The following DGUOK variants were observed in gnomAD, a reference collection of about 807,000 sequenced individuals.
DGUOK encodes deoxyguanosine kinase.
A neutral mutation model predicts 36.6 loss-of-function variants in DGUOK; 30 were observed. The observed-to-expected ratio is 0.82, with a 90% CI of 0.61 to 1.11. The LOEUF is 1.11. Ranked by LOEUF, DGUOK falls within the 50% of genes most tolerant of loss-of-function variation. The probability of loss-of-function intolerance (pLI) is 0.00; values close to 1 mark genes in which losing one functional copy is unlikely to be tolerated. For missense variants in DGUOK, 361 were observed against 336.4 expected (o/e 1.07, Z -0.57); for synonymous variants, 145 against 126.3 (o/e 1.15, Z -0.99).
chr2:73,927,062 G>A lies in DGUOK; in HGVS notation c.142+10G>A, dbSNP rs370052432. ...ATCGAAGGCAACATTGGTAAGGGCC[G>A]GAAAGCGGCTGCCAAGCCTTGGCCT... On this transcript the variant is annotated intron_variant, in intron 1 of 6. Coordinates refer to ENST00000264093, the MANE Select transcript of DGUOK (RefSeq NM_080916.3). The A allele has an allele frequency of 1.0e-5, 16 of 1,606,692 alleles. No homozygotes were observed. The South Asian group carries it at 1.4e-4, about 14-fold the overall frequency.
At chr2:73,932,648 A>G (rs773984407) in intron 1 of DGUOK, 4 of 1,295,548 alleles carry the variant, frequency 3.1e-6, no homozygotes, top group Non-Finnish European at 4.0e-6. Flanking sequence ...GGAAACCTGA[A>G]CAGGGAAGGT....
In DGUOK at chr2:73,927,037, A is replaced by C. The variant is rs910614083; in HGVS notation, c.127A>C (p.Ile43Leu). The change falls in exon 1 of 7, where the codon ATC becomes CTC. Residue 43 changes from isoleucine to leucine, a missense_variant. Ile to Leu is a conservative substitution (Grantham distance 5, BLOSUM62 2). Transcript: ENST00000264093. ...HAGRGPRRLSIEGNIAVGKST... is the reference protein window; with the variant it reads ...HAGRGPRRLSLEGNIAVGKST... The stretch of plus-strand genomic sequence containing the variant: ...GGGGCGCGGGCCCCGAAGGCTCTCC[A>C]TCGAAGGCAACATTGGTAAGGGCCG... 5.0e-6 allele frequency: 8 copies of C among 1,609,496 alleles called. No individual in the cohort carries two copies. In the South Asian group the frequency reaches 8.8e-5, roughly 18 times the overall value.
intron 3 of DGUOK, chr2:73,948,027 T>A (rs943942981): frequency 1.3e-5 from 2 of 152,184 alleles, no homozygotes; most frequent in African/African-American, 4.8e-5. Flanking sequence ...AAACAAACCC[T>A]ATAGGCTATC....
In DGUOK at chr2:73,957,205, C is replaced by T. The variant is rs776350723; in HGVS notation, c.672C>T (p.Gly224=). The change falls in exon 5 of 7, where the codon GGC becomes GGT. Residue 224 remains glycine (G), a synonymous_variant. Transcript: ENST00000264093. ...TGGCCTATCTAGAGCAGCTGCATGG[C>T]CAACACGAAGCCTGGCTTATTCACA... The part of the protein sequence containing the change: ...IELAYLEQLH[G]QHEAWLIHKT... The T allele has an allele frequency of 4.3e-5, 70 of 1,613,940 alleles. No homozygotes were observed. Among genetic ancestry groups the T allele is most frequent in the East Asian group, 1.8e-4 (8 of 44,898 alleles).
In DGUOK at chr2:73,950,702, T is replaced by C. The variant is rs376145379; in HGVS notation, c.561T>C (p.His187=). The change falls in exon 4 of 7, where the codon CAT becomes CAC. Residue 187 remains histidine, a synonymous_variant. Coordinates refer to ENST00000264093, the MANE Select transcript of DGUOK (RefSeq NM_080916.3). ...AGTTTGCCAGCCGGATCACATTACA[T>C]GGCTTCATCTACCTCCAGGCTTCTC... ...LWEFASRITL[H]GFIYLQASPQ... is the part of the protein sequence containing the mutation. 2 of 1,614,228 alleles carry C rather than the reference T, an allele frequency of 1.2e-6. No individual in the cohort carries two copies. Among genetic ancestry groups the C allele is most frequent in the South Asian group, 1.1e-5 (1 of 91,086 alleles).
chr2:73,936,896 G>T (rs1681506164), intron 1 of DGUOK, among the ~76,000 whole-genome samples: 1 of 152,192 alleles, frequency 6.6e-6, no homozygotes, highest in African/African-American at 2.4e-5. Context: ...CCAGCTTAGA[G>T]GTGTCAGGAT....
At chr2:73,937,194 G>A (rs1013190011) in intron 1 of DGUOK, among the ~76,000 whole-genome samples, 2 of 152,194 alleles carry the variant, frequency 1.3e-5, no homozygotes, top group African/African-American at 2.4e-5. Context: ...TAGCTCAGAT[G>A]TCACTAACTT....
At chr2:73,951,395 A>G (rs1682693164) in intron 4 of DGUOK, among the ~76,000 whole-genome samples, 1 of 151,360 alleles carries the variant, frequency 6.6e-6, no homozygotes, top group Non-Finnish European at 1.5e-5. Context: ...TGTAAAATCC[A>G]CTGGTTCAAT....
intron 1 of DGUOK, chr2:73,932,449 AC>A (rs1454068774): frequency 1.2e-5 from 4 of 343,120 alleles, no homozygotes; most frequent in Non-Finnish European, 1.7e-5. Context: ...CTGACACCTA[AC>A]CCCCGCCTTG....
chr2:73,932,502 C>A, intron 1 of DGUOK: 1 of 662,534 alleles, frequency 1.5e-6, no homozygotes, highest in South Asian at 1.6e-5. Context: ...GAATCCTGTG[C>A]TATGATATCC....
intron 3 of DGUOK, among the ~76,000 whole-genome samples, chr2:73,948,318 T>C (rs1419109726): frequency 2.0e-5 from 3 of 152,248 alleles, no homozygotes; most frequent in Admixed American, 6.5e-5. Flanking sequence ...AGAAACACTT[T>C]GTTAATTAGA....
chr2:73,953,308 G>A (rs1380744231), intron 4 of DGUOK, among the ~76,000 whole-genome samples: 14 of 147,914 alleles, frequency 9.5e-5, no homozygotes, highest in South Asian at 4.3e-4. Flanking sequence ...CGTCGTCGTC[G>A]TCGTCGTCAC....
chr2:73,934,540 G>T (rs1451578192), intron 1 of DGUOK, among the ~76,000 whole-genome samples: 1 of 152,104 alleles, frequency 6.6e-6, no homozygotes, highest in Non-Finnish European at 1.5e-5. Context: ...ATCACCTGAG[G>T]TCAGGAGTTC....
In DGUOK at chr2:73,958,810, A is replaced by G. The variant is rs768586756; in HGVS notation, c.*74A>G. On this transcript the variant is annotated 3_prime_UTR_variant, in exon 7 of 7. Coordinates refer to ENST00000264093, the MANE Select transcript of DGUOK (RefSeq NM_080916.3). ...AGCTAGAAAAATGTTGTGTCTCCCA[A>G]CCACCTTTCCATCCCCAGCCCCTCT... 1.3e-4 allele frequency: 169 copies of G among 1,308,844 alleles called. 1 individual carries two copies. Among genetic ancestry groups the G allele is most frequent in the Non-Finnish European group, 1.6e-4 (145 of 901,062 alleles). 81.1% of individuals were successfully genotyped at this position (1,308,844 alleles called of 1,614,324 possible).
At chr2:73,952,815 C>T (rs977724057) in intron 4 of DGUOK, among the ~76,000 whole-genome samples, 3 of 152,128 alleles carry the variant, frequency 2.0e-5, no homozygotes, top group Non-Finnish European at 1.5e-5. Context: ...GCAAGGAGAA[C>T]AAGAAAGTCT....
chr2:73,930,786 TTTTTTTTC>T (rs570368442), intron 1 of DGUOK, among the ~76,000 whole-genome samples: 5,780 of 90,164 alleles, frequency 0.064, 244 homozygotes, highest in African/African-American at 0.12. Context: ...AATTTTCTTT[TTTTTTTTC>T]TTTTTTTTTT....
At chr2:73,945,823 G>A (rs1682258248) in intron 2 of DGUOK, among the ~76,000 whole-genome samples, 1 of 152,192 alleles carries the variant, frequency 6.6e-6, no homozygotes, top group African/African-American at 2.4e-5. Context: ...AGGAGTTCGA[G>A]ACCAGCCTGG....
chr2:73,934,539 G>T lies in DGUOK; in HGVS notation c.143-4371G>T, dbSNP rs192559155. Among the ~76,000 whole-genome samples, 35 of 152,212 alleles carry T rather than the reference G, an allele frequency of 2.3e-4. No individual in the cohort carries two copies. In the East Asian group the frequency reaches 6.6e-3, roughly 29 times the overall value. On this transcript the variant is annotated intron_variant, in intron 1 of 6. Transcript: ENST00000264093. ...AGGCTGAGGCGGGCAGATCACCTGA[G>T]GTCAGGAGTTCAAGACCAGCCTGGC...
intron 4 of DGUOK, among the ~76,000 whole-genome samples, chr2:73,954,214 T>TG (rs910435368): frequency 3.0e-4 from 46 of 152,208 alleles, no homozygotes; most frequent in African/African-American, 1.0e-3. Flanking sequence ...AGCATGGTGG[T>TG]GTGTCTGTAT....
Sources: allele counts gnomAD v4.1 joint callset (sites outside exome capture counted in the v4.1 genomes callset), GRCh38; gene constraint gnomAD v4.1.1; transcripts MANE v1.5; gene names NCBI Gene and HGNC (gene_info 2026-07-23, HGNC 2026-07-21).